PIK3CB: variants seen among roughly 807,000 people sequenced by gnomAD.
PIK3CB encodes the protein phosphatidylinositol 4,5-bisphosphate 3-kinase catalytic subunit beta isoform.
PIK3CB carries 39 observed loss-of-function variants against 136.8 expected under a neutral mutation model. The observed-to-expected ratio is 0.29, with a 90% CI of 0.22 to 0.37. PIK3CB has a LOEUF of 0.37. Ranked by LOEUF, PIK3CB falls within the 10% of genes least tolerant of loss-of-function variation. The pLI is 1.00. For synonymous variants in PIK3CB, 428 were observed against 436.6 expected, an observed-to-expected ratio of 0.98 and a Z score of 0.25; for missense variants, 868 against 1,275.4, an observed-to-expected ratio of 0.68 and a Z score of 4.87.
rs544555436 is a variant in PIK3CB at position 138,779,465 on chromosome 3, A to C, written c.-17+16998T>G. Among the ~76,000 whole-genome samples, 74 of 139,622 alleles carry C rather than the reference A, an allele frequency of 5.3e-4. 1 individual carries two copies. The South Asian group carries it at 0.016, about 30-fold the overall frequency. The allele number at this position is 139,622 out of a possible 152,430, so 91.6% of individuals were successfully genotyped here. On this transcript the variant is annotated intron_variant, in intron 2 of 23. Transcript: ENST00000674063. ...GAGTACAGTGGCACGATCTTGGCTC[A>C]CTGCAACATCTACCTCCTGGGCTCA...
intron 3 of PIK3CB, among the ~76,000 whole-genome samples, chr3:138,758,318 T>C (rs1349084806): frequency 6.6e-6 from 1 of 152,238 alleles, no homozygotes; most frequent in African/African-American, 2.4e-5. Flanking sequence ...TGGAAATGGA[T>C]ACTGGTGATG....
chr3:138,663,624 C>T (rs2043346113), intron 21 of PIK3CB, among the ~76,000 whole-genome samples: 2 of 152,076 alleles, frequency 1.3e-5, no homozygotes, highest in East Asian at 1.9e-4. Context: ...TCAGGTAATC[C>T]GGCCGGCTCG....
intron 10 of PIK3CB, among the ~76,000 whole-genome samples, chr3:138,708,246 C>T (rs1224620024): frequency 6.7e-6 from 1 of 148,524 alleles, no homozygotes; most frequent in East Asian, 2.0e-4. Flanking sequence ...ACCTCACGGA[C>T]TCAATTTTTT....
rs572120998 is a variant in PIK3CB, at chr3:138,728,175, G to A, written c.1050+5186C>T. On this transcript the variant is annotated intron_variant, in intron 8 of 23. Transcript: ENST00000674063. ...AAACTTAAGGCTCAGCTGGCATGGA[G>A]TAAGTTCAATTAAATATTTAAGCAA... Among the ~76,000 whole-genome samples the A allele has an allele frequency of 3.3e-5, 5 of 152,286 alleles. No homozygotes were observed. In the South Asian group the frequency reaches 8.3e-4, roughly 25 times the overall value.
intron 2 of PIK3CB, among the ~76,000 whole-genome samples, chr3:138,785,273 G>A (rs1490567553): frequency 6.6e-6 from 1 of 151,850 alleles, no homozygotes; most frequent in Non-Finnish European, 1.5e-5. Context: ...CCCCCTCCAG[G>A]AGGTGGGGGG....
intron 2 of PIK3CB, among the ~76,000 whole-genome samples, chr3:138,766,204 T>C (rs2045730612): frequency 1.3e-5 from 2 of 152,212 alleles, no homozygotes; most frequent in African/African-American, 4.8e-5. Context: ...TGTTTGACTA[T>C]AAAACTGCTA....
chr3:138,778,976 T>C (rs1356284178), intron 2 of PIK3CB, among the ~76,000 whole-genome samples: 4 of 151,942 alleles, frequency 2.6e-5, no homozygotes, highest in African/African-American at 9.7e-5. Context: ...AAAGCTCCAC[T>C]TTGTAGTGCA....
At chr3:138,720,164 AC>A (rs1957582627) in intron 8 of PIK3CB, among the ~76,000 whole-genome samples, 1 of 152,150 alleles carries the variant, frequency 6.6e-6, no homozygotes, top group Admixed American at 6.5e-5. Flanking sequence ...GAGTTCCTTG[AC>A]CTAAATATCT....
Position 138,655,308 on chromosome 3 carries a change from C to T in PIK3CB, c.*81G>A, listed in dbSNP as rs2043172189. The T allele has an allele frequency of 1.5e-6, 2 of 1,363,192 alleles. No individual in the cohort carries two copies. The highest frequency in any genetic ancestry group is 1.4e-5 in the African/African-American group (1 of 69,446). The allele number at this position is 1,363,192 out of a possible 1,614,324, so 84.4% of individuals were successfully genotyped here. ...TTCATTCCCTTTATAACATCTCTAA[C>T]AGGGTCATGTTCAATTTAGTGCAAG... On this transcript the variant is annotated 3_prime_UTR_variant, in exon 24 of 24. Coordinates refer to ENST00000674063, the MANE Select transcript of PIK3CB (RefSeq NM_006219.3).
chr3:138,673,172 TA>T (rs2043572392), intron 19 of PIK3CB, among the ~76,000 whole-genome samples: 1 of 151,572 alleles, frequency 6.6e-6, no homozygotes, highest in African/African-American at 2.4e-5. Context: ...TTAAGAGACA[TA>T]AAGGAGAGAA....
rs1324323838 is a variant in PIK3CB at position 138,775,000 on chromosome 3, T to C, written c.-16-15641A>G. ...TCATTTGTTTGTCTGTTTTAAACCT[T>C]TTCCTTGGAGACCAATTTTCTTCCT... On this transcript the variant is annotated intron_variant, in intron 2 of 23. Coordinates refer to ENST00000674063, the MANE Select transcript of PIK3CB (RefSeq NM_006219.3). Among the ~76,000 whole-genome samples, 3 of 152,242 alleles carry C rather than the reference T, an allele frequency of 2.0e-5. No homozygotes were observed. In the East Asian group the frequency reaches 5.8e-4, roughly 29 times the overall value.
intron 19 of PIK3CB, among the ~76,000 whole-genome samples, chr3:138,671,056 C>A (rs2043522774): frequency 6.6e-6 from 1 of 152,086 alleles, no homozygotes; most frequent in South Asian, 2.1e-4. Context: ...TCTCACTTAG[C>A]CAGACTGGTA....
chr3:138,660,712 C>T (rs1405801752), intron 21 of PIK3CB, among the ~76,000 whole-genome samples: 1 of 151,966 alleles, frequency 6.6e-6, no homozygotes, highest in Admixed American at 6.5e-5. Context: ...GTTATCATCA[C>T]AAAAAAAGAT....
Position 138,744,392 on chromosome 3 carries a change from C to CAAAAAAAAAAAAAAAAAAAAAAA in PIK3CB, c.398-1634_398-1612dup, listed in dbSNP as rs60503033. ...ACTGGGTGACAGAGCGAGACTCCCCCAAAAAAAAAAAAAAAAAAAAAAAAA... is the reference window on the plus strand; with the variant it reads ...ACTGGGTGACAGAGCGAGACTCCCCCAAAAAAAAAAAAAAAAAAAAAAAAAAAAAAAAAAAAAAAAAAAAAAAA... On this transcript the variant is annotated intron_variant, in intron 4 of 23. Coordinates refer to ENST00000674063, the MANE Select transcript of PIK3CB (RefSeq NM_006219.3). Among the ~76,000 whole-genome samples the CAAAAAAAAAAAAAAAAAAAAAAA allele has an allele frequency of 2.9e-3, 129 of 45,108 alleles. 60 individuals are homozygous for CAAAAAAAAAAAAAAAAAAAAAAA. Among genetic ancestry groups the CAAAAAAAAAAAAAAAAAAAAAAA allele is most frequent in the Non-Finnish European group, 3.5e-3 (87 of 24,730 alleles). The allele number at this position is 45,108 out of a possible 152,430, so 29.6% of individuals were successfully genotyped here. A position where few individuals can be genotyped will look rare whatever the true frequency, so the allele number is the denominator to read the frequency against.
intron 4 of PIK3CB, among the ~76,000 whole-genome samples, chr3:138,752,846 A>G (rs1160997558): frequency 2.6e-5 from 4 of 152,244 alleles, no homozygotes; most frequent in African/African-American, 9.6e-5. Flanking sequence ...TTAGATAAAC[A>G]ATGAATATGT....
intron 16 of PIK3CB, among the ~76,000 whole-genome samples, chr3:138,686,099 TAC>T (rs1412144006): frequency 1.3e-5 from 2 of 151,956 alleles, no homozygotes; most frequent in African/African-American, 2.4e-5. Context: ...ATCGTACCAC[TAC>T]ACTCTCCAGC....
At chr3:138,655,661 T>C (rs2108383770) in intron 23 of PIK3CB, 135 bp from the exon 24 acceptor site, 5 of 672,796 alleles carry the variant, frequency 7.4e-6, no homozygotes, top group South Asian at 7.2e-5. Flanking sequence ...CTTATTTAAA[T>C]ATCATCTGCA....
chr3:138,808,834 T>A (rs2046262537), intron 1 of PIK3CB, among the ~76,000 whole-genome samples: 1 of 151,686 alleles, frequency 6.6e-6, no homozygotes, highest in Non-Finnish European at 1.5e-5. Context: ...TATTAGACTA[T>A]ATAACATATA....
intron 19 of PIK3CB, among the ~76,000 whole-genome samples, chr3:138,672,594 A>T (rs2043555825): frequency 6.6e-6 from 1 of 152,202 alleles, no homozygotes; most frequent in African/African-American, 2.4e-5. Flanking sequence ...TATCCCAAGA[A>T]CTAAAAAAGA....
Sources: allele counts gnomAD v4.1 joint callset (sites outside exome capture counted in the v4.1 genomes callset), GRCh38; gene constraint gnomAD v4.1.1; transcripts MANE v1.5; gene names NCBI Gene and HGNC (gene_info 2026-07-23, HGNC 2026-07-21).